The following HOXA10 variants were observed in gnomAD, a reference collection of about 807,000 sequenced individuals.
HOXA10 encodes the protein homeobox protein Hox-A10.
Under a neutral mutation model 29.7 loss-of-function variants are expected in HOXA10, and 12 were observed. The ratio of observed to expected loss-of-function variants is 0.40; its 90% CI spans 0.26 to 0.65. The LOEUF (loss-of-function observed/expected upper bound fraction) is 0.65. Among genes scored for constraint, HOXA10 ranks in the 30% least tolerant of loss-of-function variants. HOXA10 has a pLI of 0.37. For missense variants in HOXA10, 656 were observed against 585.9 expected (o/e 1.12, Z -1.24); for synonymous variants, 327 against 280.7 (o/e 1.16, Z -1.65).
At position 27,173,792 on chromosome 7, in the gene HOXA10, T is replaced by C; in HGVS notation, c.515A>G (p.Tyr172Cys). The change falls in exon 1 of 2, where the codon TAC becomes TGC. Residue 172 changes from tyrosine to cysteine, a missense_variant. By Grantham distance (194) the Tyr-to-Cys change is radical. Coordinates refer to ENST00000283921, the MANE Select transcript of HOXA10 (RefSeq NM_018951.4). ...TTTGGGGCATTTGTCCGCCGAGTCGTAGAGGCAGTAGGAGCTCTCTTCTTT... is the reference window on the plus strand; with the variant it reads ...TTTGGGGCATTTGTCCGCCGAGTCGCAGAGGCAGTAGGAGCTCTCTTCTTT... Reference protein sequence around the residue: ...NIKEESSYCLYDSADKCPKVS... With the variant: ...NIKEESSYCLCDSADKCPKVS... 1 of 1,611,016 alleles carries C rather than the reference T, an allele frequency of 6.2e-7. No homozygotes were observed. The highest frequency in any genetic ancestry group is 8.5e-7 in the Non-Finnish European group (1 of 1,178,740).
rs1171527745 is a variant in HOXA10, at chr7:27,173,417, G to C, written c.890C>G (p.Ser297Trp). The C allele has an allele frequency of 6.2e-7, 1 of 1,608,160 alleles. No individual in the cohort carries two copies. The highest frequency in any genetic ancestry group is 1.1e-5 in the South Asian group (1 of 90,590). Residue 297 changes from serine to tryptophan, a missense_variant, in exon 1 of 2, where the codon TCG becomes TGG. Transcript: ENST00000283921. ...GGCCGGGGAGAGCTCCTCCGCGGCC[G>C]AGGACGACGCGTGCGCCTCCTCGTC... ...QGDEEAHASS[S>W]AAEELSPAPS...
At chr7:27,178,148 T>A (rs1783685404), upstream of HOXA10, among the ~76,000 whole-genome samples, 1 of 152,236 alleles carries the variant, frequency 6.6e-6, no homozygotes, top group Non-Finnish European at 1.5e-5. Flanking sequence ...GCACTCTCAA[T>A]GCTTTCAAGA....
chr7:27,177,002 C>G (rs1783664350), upstream of HOXA10, among the ~76,000 whole-genome samples: 1 of 152,218 alleles, frequency 6.6e-6, no homozygotes, highest in Non-Finnish European at 1.5e-5. Flanking sequence ...GCCAATTTGG[C>G]TGGCAAGACA....
At chr7:27,179,347 G>T (rs920905861) in intron 1 of HOXA10, among the ~76,000 whole-genome samples, 4 of 142,956 alleles carry the variant, frequency 2.8e-5, no homozygotes, top group East Asian at 2.0e-4. Flanking sequence ...ACCCCCTATC[G>T]CAGCACAGCT....
In HOXA10 at chr7:27,171,340, C is replaced by T; in HGVS notation, c.*559G>A. The stretch of plus-strand genomic sequence containing the variant: ...CAAGCCCGTTTGCCAACCTGCATGT[C>T]CATGCCTGTAAGCCCTTCTCTTGGC... On this transcript the variant is annotated 3_prime_UTR_variant, in exon 2 of 2. Transcript: ENST00000283921. 2.2e-6 allele frequency: 1 copy of T among 454,350 alleles called. No individual in the cohort carries two copies. The highest frequency in any genetic ancestry group is 1.6e-5 in the South Asian group (1 of 64,482). 28.1% of individuals were successfully genotyped at this position (454,350 alleles called of 1,614,324 possible).
rs753840630 is a variant in HOXA10 at position 27,171,499 on chromosome 7, G to C, written c.*400C>G. On this transcript the variant is annotated 3_prime_UTR_variant, in exon 2 of 2. Coordinates refer to ENST00000283921, the MANE Select transcript of HOXA10 (RefSeq NM_018951.4). ...TTGACCTCAGGCCAGACACCTCAGCGCCAACAATGGGACCTCGGCCTTCCG... is the reference window on the plus strand; with the variant it reads ...TTGACCTCAGGCCAGACACCTCAGCCCCAACAATGGGACCTCGGCCTTCCG... 1.1e-5 allele frequency: 5 copies of C among 462,316 alleles called. No homozygotes were observed. The highest frequency in any genetic ancestry group is 9.9e-5 in the African/African-American group (5 of 50,368). The allele number at this position is 462,316 out of a possible 1,614,324, so 28.6% of individuals were successfully genotyped here.
chr7:27,175,295 C>T (rs1012386107), upstream of HOXA10: 5 of 152,330 alleles, frequency 3.3e-5, no homozygotes, highest in African/African-American at 9.6e-5. Context: ...GTGTACACCT[C>T]CGCTGCTTTA....
chr7:27,178,632 G>A (rs1783696086), upstream of HOXA10, among the ~76,000 whole-genome samples: 1 of 152,246 alleles, frequency 6.6e-6, no homozygotes, highest in South Asian at 2.1e-4. Flanking sequence ...TTGCCTTGTT[G>A]CTTTGCTCCG....
In HOXA10 at chr7:27,170,624, T is replaced by G. The variant is rs1230259443; in HGVS notation, c.*1275A>C. On this transcript the variant is annotated 3_prime_UTR_variant, in exon 2 of 2. Transcript: ENST00000283921. ...AAAAGCTTCATTCCACAGCTTTTATTCTATAAGAACATAAACATCGTCTTT... is the reference window on the plus strand; with the variant it reads ...AAAAGCTTCATTCCACAGCTTTTATGCTATAAGAACATAAACATCGTCTTT... 2.8e-6 allele frequency: 1 copy of G among 354,230 alleles called. No homozygotes were observed. Among genetic ancestry groups the G allele is most frequent in the Non-Finnish European group, 5.4e-6 (1 of 183,796 alleles). The allele number at this position is 354,230 out of a possible 1,614,324, so 21.9% of individuals were successfully genotyped here.
rs1472535626 is a variant in HOXA10 at position 27,174,071 on chromosome 7, C to T, written c.236G>A (p.Gly79Glu). Residue 79 changes from glycine to glutamate, a missense_variant, in exon 1 of 2, where the codon GGG becomes GAG. Gly to Glu is a moderately conservative substitution (Grantham distance 98). Coordinates refer to ENST00000283921, the MANE Select transcript of HOXA10 (RefSeq NM_018951.4). ...CTTGCCGCCCAGCGTGGGGAAGAGC[C>T]CGCAGCTCTGCAGCCCGTAGGGCAG... Reference protein sequence around the residue: ...ADLPYGLQSCGLFPTLGGKRN... With the variant: ...ADLPYGLQSCELFPTLGGKRN... The T allele has an allele frequency of 1.7e-5, 27 of 1,555,902 alleles. No homozygotes were observed. Among genetic ancestry groups the T allele is most frequent in the Non-Finnish European group, 2.2e-5 (26 of 1,157,418 alleles).
chr7:27,176,330 C>T (rs1783654286), upstream of HOXA10, among the ~76,000 whole-genome samples: 1 of 152,232 alleles, frequency 6.6e-6, no homozygotes, highest in Non-Finnish European at 1.5e-5. Context: ...CATGCTCCTG[C>T]GCCCAAGGCC....
upstream of HOXA10, chr7:27,174,625 T>G: frequency 2.4e-6 from 1 of 417,316 alleles, no homozygotes; most frequent in East Asian, 5.0e-5. Context: ...CGGGGTCCCT[T>G]AGAAGGGCCC....
At chr7:27,175,222 G>C (rs572022671), upstream of HOXA10, 7 of 152,366 alleles carry the variant, frequency 4.6e-5, no homozygotes, top group African/African-American at 7.2e-5. Context: ...TTTCGGGGAA[G>C]TAAAATGCTG....
At position 27,173,699 on chromosome 7, in the gene HOXA10, C is replaced by T. The variant is rs1054877766; in HGVS notation, c.608G>A (p.Gly203Asp). The T allele has an allele frequency of 1.3e-6, 2 of 1,568,200 alleles. No individual in the cohort carries two copies. Among genetic ancestry groups the T allele is most frequent in the Non-Finnish European group, 1.7e-6 (2 of 1,157,446 alleles). Residue 203 changes from glycine (G) to aspartate (D), a missense_variant, in exon 1 of 2, where the codon GGC (glycine) becomes GAC (aspartate). By Grantham distance (94) the Gly-to-Asp change is moderately conservative. Transcript: ENST00000283921. ...AGGCACTGGCACCCCGCTGGAGGTG[C>T]CCAGGGCGCAGCCGTCGGGCGGCGG... ...RGPPPDGCAL[G>D]TSSGVPVPGY... is the part of the protein sequence containing the mutation.
At chr7:27,172,823 C>T (rs1783535056) in intron 1 of HOXA10, 1 of 164,112 alleles carries the variant, frequency 6.1e-6, no homozygotes, top group South Asian at 1.5e-4. Context: ...TTTGCCTTTT[C>T]TTCTTCCCGC....
In HOXA10 at chr7:27,173,339, C is replaced by T. The variant is rs1326865622; in HGVS notation, c.958+10G>A. The stretch of plus-strand genomic sequence containing the variant: ...CCCGCCTGACTGCAGCCCTCTGCAG[C>T]CCTGCTTACCCAGGGAATCCTTCTC... On this transcript the variant is annotated intron_variant, in intron 1 of 1. Transcript: ENST00000283921. 7 of 1,611,670 alleles carry T rather than the reference C, an allele frequency of 4.3e-6. No individual in the cohort carries two copies. In the African/African-American group the frequency reaches 6.7e-5, roughly 15 times the overall value.
Position 27,174,167 on chromosome 7 carries a change from C to T in HOXA10, c.140G>A (p.Gly47Asp). 1.3e-6 allele frequency: 2 copies of T among 1,596,980 alleles called. No homozygotes were observed. The highest frequency in any genetic ancestry group is 8.5e-7 in the Non-Finnish European group (1 of 1,179,258). The stretch of plus-strand genomic sequence containing the variant: ...GCCACCGCCGCCGCCCCCCGCGCCA[C>T]CACCACCGCCGCCTGCCTCGCCTCT... Reference protein sequence around the residue: ...SGRGEAGGGGGGAGGGGGGGY... With the variant: ...SGRGEAGGGGDGAGGGGGGGY... Residue 47 changes from glycine (G) to aspartate (D), a missense_variant, in exon 1 of 2, where the codon GGT becomes GAT. This residue lies in a region of HOXA10 where 594 missense variants were observed against 491.9 expected (regional missense o/e 1.21). Coordinates refer to ENST00000283921, the MANE Select transcript of HOXA10 (RefSeq NM_018951.4).
intron 1 of HOXA10, chr7:27,172,769 C>T (rs1011273496): frequency 1.8e-5 from 3 of 165,760 alleles, no homozygotes; most frequent in African/African-American, 7.2e-5. Flanking sequence ...GGGAAATGGC[C>T]CTTCTCTGGC....
intron 1 of HOXA10, chr7:27,179,575 C>T: frequency 4.0e-6 from 3 of 750,126 alleles, no homozygotes; most frequent in Non-Finnish European, 7.4e-6. Flanking sequence ...CCCGAGAGCC[C>T]TGCTTAGACA....
Sources: gnomAD v4.1 joint callset for allele counts (sites outside exome capture counted in the v4.1 genomes callset) on GRCh38, gnomAD v4.1.1 for gene constraint, gnomAD v4.1.1 regional missense constraint, MANE v1.5 for transcripts, NCBI Gene and HGNC (gene_info 2026-07-23, HGNC 2026-07-21) for gene names.